The following MYO16 variants were observed in gnomAD, a reference collection of about 807,000 sequenced individuals.
MYO16 encodes the protein myosin XVI, also known as unconventional myosin-XVI.
In MYO16, 94 loss-of-function variants were observed where a neutral mutation model predicts 205.3. That is an observed-to-expected ratio of 0.46 (90% CI 0.39 to 0.54). MYO16 has a LOEUF of 0.54. Ranked by LOEUF, MYO16 falls within the 20% of genes least tolerant of loss-of-function variation. MYO16 has a pLI of 0.00. For missense variants in MYO16, 2,315 were observed against 2,387.5 expected, an observed-to-expected ratio of 0.97 and a Z score of 0.63; for synonymous variants, 988 against 954.0, an observed-to-expected ratio of 1.04 and a Z score of -0.66.
the MYO16 span, among the ~76,000 whole-genome samples, chr13:108,518,820 G>A: frequency 6.6e-6 from 1 of 152,126 alleles, no homozygotes; most frequent in African/African-American, 2.4e-5. Context: ...CAATTTTAAC[G>A]AGTAGAAAGA....
chr13:109,095,629 T>C (rs1350733941), intron 27 of MYO16, among the ~76,000 whole-genome samples: 1 of 152,266 alleles, frequency 6.6e-6, no homozygotes, highest in Non-Finnish European at 1.5e-5. Context: ...GATTTTTCAT[T>C]CTGACTTGTT....
chr13:108,760,705 G>A (rs1238099855), intron 4 of MYO16, among the ~76,000 whole-genome samples: 1 of 152,142 alleles, frequency 6.6e-6, no homozygotes, highest in Non-Finnish European at 1.5e-5. Context: ...GAAACTCCTG[G>A]AGGCAGACAG....
At chr13:108,787,060 G>A (rs924309443) in intron 5 of MYO16, among the ~76,000 whole-genome samples, 15 of 152,318 alleles carry the variant, frequency 9.8e-5, no homozygotes, top group African/African-American at 3.6e-4. Context: ...GAAAAACTTG[G>A]CGCAATGGTG....
chr13:108,632,774 A>G (rs537134627), intron 1 of MYO16, among the ~76,000 whole-genome samples: 1 of 152,164 alleles, frequency 6.6e-6, no homozygotes, highest in East Asian at 1.9e-4. Flanking sequence ...AGTGAGAGCC[A>G]GTCTCAGAGC....
chr13:108,882,692 T>A (rs907932519), intron 12 of MYO16, among the ~76,000 whole-genome samples: 1 of 152,228 alleles, frequency 6.6e-6, no homozygotes, highest in African/African-American at 2.4e-5. Context: ...GGCTATCTTA[T>A]GGTATTGAAA....
chr13:108,773,494 A>G (rs1328795235), intron 4 of MYO16, among the ~76,000 whole-genome samples: 1 of 152,038 alleles, frequency 6.6e-6, no homozygotes, highest in Non-Finnish European at 1.5e-5. Flanking sequence ...TCAGCTTGTG[A>G]CAGCATCACC....
At chr13:108,559,465 CTTTTCTTT>C in the MYO16 span, among the ~76,000 whole-genome samples, 2 of 127,980 alleles carry the variant, frequency 1.6e-5, no homozygotes, top group African/African-American at 6.1e-5. Context: ...TTTTCTTTTT[CTTTTCTTT>C]TTTTTTTTTT....
intron 28 of MYO16, among the ~76,000 whole-genome samples, chr13:109,111,164 T>C (rs1889270463): frequency 6.6e-6 from 1 of 152,170 alleles, no homozygotes; most frequent in Admixed American, 6.5e-5. Context: ...ATGGCACACA[T>C]GTAGAAATGT....
At position 108,844,383 on chromosome 13, in the gene MYO16, T is replaced by C; in HGVS notation, c.1138T>C (p.Leu380=). 6.2e-7 allele frequency: 1 copy of C among 1,613,442 alleles called. No homozygotes were observed. The highest frequency in any genetic ancestry group is 1.1e-5 in the South Asian group (1 of 91,018). ...ACCAATTGCCAAGCAAGACAGTTTG[T>C]TGGAAAAAGACATTATGTTCAAAGA... is the stretch of plus-strand genomic sequence containing the variant. The part of the protein sequence containing the change: ...VLPIAKQDSL[L]EKDIMFKDAT... Residue 380 remains leucine (L), a synonymous_variant, in exon 10 of 35, where the codon TTG becomes CTG. Transcript: ENST00000457511.
Position 108,733,861 on chromosome 13 carries a change from C to T in MYO16, c.507+6278C>T, listed in dbSNP as rs565453644. On this transcript the variant is annotated intron_variant, in intron 4 of 34. Coordinates refer to ENST00000457511, the MANE Select transcript of MYO16 (RefSeq NM_001198950.3). The stretch of plus-strand genomic sequence containing the variant: ...GCAGGCACCTGTAGTCCCAGCTACT[C>T]GGGAGGCTGAGGCAGGAGAATGGTG... Among the ~76,000 whole-genome samples, 417 of 152,180 alleles carry T rather than the reference C, an allele frequency of 2.7e-3. 1 individual carries two copies. The highest frequency in any genetic ancestry group is 0.01 in the Middle Eastern group (3 of 294).
chr13:108,757,728 T>C (rs1885468164), intron 4 of MYO16, among the ~76,000 whole-genome samples: 1 of 151,440 alleles, frequency 6.6e-6, no homozygotes, highest in African/African-American at 2.4e-5. Flanking sequence ...GAACATGCGG[T>C]GTTTGGTTTT....
chr13:108,665,370 T>C (rs1213631228), intron 1 of MYO16, among the ~76,000 whole-genome samples: 1 of 152,174 alleles, frequency 6.6e-6, no homozygotes, highest in Non-Finnish European at 1.5e-5. Flanking sequence ...TCTCAGCCTC[T>C]CAAATCACTG....
chr13:109,123,592 A>G (rs1033816534), intron 29 of MYO16, among the ~76,000 whole-genome samples: 3 of 152,228 alleles, frequency 2.0e-5, no homozygotes, highest in African/African-American at 7.2e-5. Context: ...TGTGCCTCAT[A>G]CTGTTTAACA....
chr13:108,960,351 T>C (rs1232551697), intron 17 of MYO16, among the ~76,000 whole-genome samples: 1 of 151,990 alleles, frequency 6.6e-6, no homozygotes, highest in African/African-American at 2.4e-5. Context: ...TGCCATTTTA[T>C]ACAGCATAAG....
intron 16 of MYO16, among the ~76,000 whole-genome samples, chr13:108,913,701 G>A (rs1289214412): frequency 1.3e-5 from 2 of 152,188 alleles, no homozygotes; most frequent in Non-Finnish European, 2.9e-5. Flanking sequence ...AACTAAATAT[G>A]GCTGGAGGAG....
intron 11 of MYO16, among the ~76,000 whole-genome samples, chr13:108,863,016 G>A (rs1017615919): frequency 1.5e-4 from 23 of 151,954 alleles, no homozygotes; most frequent in Non-Finnish European, 2.5e-4. Context: ...AATTGTTCAC[G>A]GGTAATATAT....
At chr13:108,735,791 C>T (rs1488621369) in intron 4 of MYO16, among the ~76,000 whole-genome samples, 3 of 151,638 alleles carry the variant, frequency 2.0e-5, no homozygotes, top group East Asian at 3.9e-4. Context: ...TCTCCACATC[C>T]TCTCCAGCAC....
chr13:108,966,017 T>A (rs1036131572), intron 20 of MYO16, among the ~76,000 whole-genome samples: 21 of 152,190 alleles, frequency 1.4e-4, no homozygotes, highest in Non-Finnish European at 3.1e-4. Context: ...TAAATAAATA[T>A]AGACATCTCA....
rs1375518352 is a variant in MYO16, at chr13:108,893,282, GA to G, written c.1660-4731del. Among the ~76,000 whole-genome samples the G allele has an allele frequency of 3.3e-5, 5 of 152,268 alleles. No individual in the cohort carries two copies. In the East Asian group the frequency reaches 9.6e-4, roughly 29 times the overall value. On this transcript the variant is annotated intron_variant, in intron 14 of 34. Coordinates refer to ENST00000457511, the MANE Select transcript of MYO16 (RefSeq NM_001198950.3). ...TCTTTATAAAATTAGAGGGTTTAGT[GA>G]AATTAAGTATATTTAAGAGATGAAC...
Sources: allele counts gnomAD v4.1 joint callset (sites outside exome capture counted in the v4.1 genomes callset), GRCh38; gene constraint gnomAD v4.1.1; transcripts MANE v1.5; gene names NCBI Gene and HGNC (gene_info 2026-07-23, HGNC 2026-07-21).